PTCHD4: variants seen among roughly 807,000 people sequenced by gnomAD.
The protein encoded by PTCHD4 is patched domain-containing protein 4.
In PTCHD4, 33 loss-of-function variants were observed where a neutral mutation model predicts 58.1. The observed-to-expected ratio is 0.57, with a 90% CI of 0.43 to 0.76. The LOEUF is 0.76. Among genes scored for constraint, PTCHD4 ranks in the 30% least tolerant of loss-of-function variants. The probability of loss-of-function intolerance (pLI) is 0.00; values close to 1 mark genes in which losing one functional copy is unlikely to be tolerated. For missense variants in PTCHD4, 1,058 were observed against 1,027.1 expected (o/e 1.03, Z -0.41); for synonymous variants, 478 against 409.6 (o/e 1.17, Z -2.02).
intron 4 of PTCHD4, among the ~76,000 whole-genome samples, chr6:47,981,506 GA>G (rs1450978975): frequency 6.6e-6 from 1 of 151,892 alleles, no homozygotes; most frequent in Non-Finnish European, 1.5e-5. Context: ...TATTTTTATG[GA>G]ACATGCATTG....
In PTCHD4 at chr6:47,877,977, C is replaced by T. The variant is rs377275268; in HGVS notation, c.*326G>A. 9.9e-5 allele frequency: 19 copies of T among 192,876 alleles called. No individual in the cohort carries two copies. The highest frequency in any genetic ancestry group is 3.3e-4 in the African/African-American group (14 of 43,018). The allele number at this position is 192,876 out of a possible 1,614,324, so 11.9% of individuals were successfully genotyped here. Reference sequence around the variant, plus strand: ...ACCTTTCCTTGCTTCTCCATCACTCCTAAGCATTTTATTTTTAAAAGAAGC... The same window carrying T: ...ACCTTTCCTTGCTTCTCCATCACTCTTAAGCATTTTATTTTTAAAAGAAGC... On this transcript the variant is annotated 3_prime_UTR_variant, in exon 5 of 5. Coordinates refer to ENST00000339488, the MANE Select transcript of PTCHD4 (RefSeq NM_001384253.1).
At chr6:48,076,882 C>T (rs919224622) in intron 1 of PTCHD4, among the ~76,000 whole-genome samples, 1 of 152,202 alleles carries the variant, frequency 6.6e-6, no homozygotes, top group Non-Finnish European at 1.5e-5. Context: ...TAACACTCAG[C>T]AGTCTATGAG....
At chr6:47,914,252 G>A (rs1239751599) in intron 4 of PTCHD4, among the ~76,000 whole-genome samples, 1 of 152,084 alleles carries the variant, frequency 6.6e-6, no homozygotes, top group African/African-American at 2.4e-5. Flanking sequence ...AACTTCATGT[G>A]TCAACTTGAC....
intron 4 of PTCHD4, among the ~76,000 whole-genome samples, chr6:47,969,839 G>A (rs1239502137): frequency 6.6e-6 from 1 of 151,984 alleles, no homozygotes; most frequent in Non-Finnish European, 1.5e-5. Flanking sequence ...AATATTGACA[G>A]CAAATGAAAA....
intron 4 of PTCHD4, among the ~76,000 whole-genome samples, chr6:47,939,295 G>A (rs1303435103): frequency 1.3e-5 from 2 of 151,292 alleles, no homozygotes; most frequent in Non-Finnish European, 2.9e-5. Context: ...TAATTCAGTT[G>A]GTCTGGAGAG....
At chr6:48,056,225 A>G (rs959825912) in intron 3 of PTCHD4, among the ~76,000 whole-genome samples, 13 of 152,244 alleles carry the variant, frequency 8.5e-5, no homozygotes, top group African/African-American at 2.7e-4. Flanking sequence ...AGCTTTATAA[A>G]AGGCTACTTT....
intron 1 of PTCHD4, among the ~76,000 whole-genome samples, chr6:48,085,588 T>G (rs1315187875): frequency 1.3e-5 from 2 of 152,224 alleles, no homozygotes; most frequent in Non-Finnish European, 2.9e-5. Flanking sequence ...GAGAAACTAT[T>G]CTTGCCAGAA....
chr6:47,902,901 C>T (rs1355636430), intron 4 of PTCHD4, among the ~76,000 whole-genome samples: 1 of 152,182 alleles, frequency 6.6e-6, no homozygotes, highest in Non-Finnish European at 1.5e-5. Flanking sequence ...TTGGAGCTCT[C>T]TAAAAAGAGC....
intron 3 of PTCHD4, among the ~76,000 whole-genome samples, chr6:48,021,009 G>A (rs895820747): frequency 1.3e-5 from 2 of 151,944 alleles, no homozygotes; most frequent in African/African-American, 4.8e-5. Context: ...CTTGTGCCCA[G>A]GCTCAAGTTC....
intron 4 of PTCHD4, among the ~76,000 whole-genome samples, chr6:47,940,429 A>G (rs993246797): frequency 2.6e-5 from 4 of 152,098 alleles, no homozygotes; most frequent in Non-Finnish European, 1.5e-5. Context: ...ATTTAAAAAA[A>G]GAGAGAGAGA....
At chr6:47,998,851 A>C (rs1450592679) in intron 4 of PTCHD4, among the ~76,000 whole-genome samples, 1 of 152,222 alleles carries the variant, frequency 6.6e-6, no homozygotes, top group Non-Finnish European at 1.5e-5. Context: ...AGAACAGAGA[A>C]GGAAATAAAT....
intron 4 of PTCHD4, among the ~76,000 whole-genome samples, chr6:47,927,662 C>T (rs1476111817): frequency 6.6e-6 from 1 of 151,990 alleles, no homozygotes; most frequent in Non-Finnish European, 1.5e-5. Context: ...GTCATCTCTT[C>T]CAGGACATTT....
At chr6:47,998,857 T>C (rs568540029) in intron 4 of PTCHD4, among the ~76,000 whole-genome samples, 1 of 152,070 alleles carries the variant, frequency 6.6e-6, no homozygotes, top group African/African-American at 2.4e-5. Context: ...GAGAAGGAAA[T>C]AAATAGGCAA....
intron 4 of PTCHD4, among the ~76,000 whole-genome samples, chr6:47,891,311 T>A (rs1764375276): frequency 6.7e-6 from 1 of 149,208 alleles, no homozygotes; most frequent in Non-Finnish European, 1.5e-5. Context: ...CTGCCAGGAG[T>A]TGTTCTGGCA....
At chr6:47,981,490 T>C (rs1292746666) in intron 4 of PTCHD4, among the ~76,000 whole-genome samples, 1 of 152,094 alleles carries the variant, frequency 6.6e-6, no homozygotes, top group African/African-American at 2.4e-5. Context: ...GGCGTCATGG[T>C]GTTTGTATTT....
Position 48,068,508 on chromosome 6 carries a change from C to A in PTCHD4, c.139G>T (p.Ala47Ser), listed in dbSNP as rs762271819. Reference sequence around the variant, plus strand: ...AGGCCGAAGGTGATTGTCAGGACTGCGGGCACGGTGAGGAAAAAGACCGGG... The same window carrying A: ...AGGCCGAAGGTGATTGTCAGGACTGAGGGCACGGTGAGGAAAAAGACCGGG... ...RHPVFFLTVP[A>S]VLTITFGLSA... The change falls in exon 3 of 5, where the codon GCA becomes TCA. Residue 47 changes from alanine to serine, a missense_variant. Transcript: ENST00000339488. This position sits in a 1 kb window ranked among gnomAD's most constrained non-coding sequence, Gnocchi z 4.2. The A allele has an allele frequency of 4.3e-6, 7 of 1,612,882 alleles. No individual in the cohort carries two copies. In the South Asian group the frequency reaches 6.6e-5, roughly 15 times the overall value.
intron 4 of PTCHD4, among the ~76,000 whole-genome samples, chr6:47,933,247 G>T (rs982366866): frequency 6.6e-6 from 1 of 152,216 alleles, no homozygotes; most frequent in Non-Finnish European, 1.5e-5. Context: ...TTCCCCTACT[G>T]TGAGCTCCAT....
In PTCHD4 at chr6:47,890,368, T is replaced by C. The variant is rs540489754; in HGVS notation, c.899-10432A>G. 5.5e-4 allele frequency among the ~76,000 whole-genome samples: 84 copies of C among 152,174 alleles called. 2 individuals are homozygous for C. The South Asian group carries it at 0.017, about 30-fold the overall frequency. Reference sequence around the variant, plus strand: ...TAATTAACACGATTTGATATTGTAGTTAGTAGCAAATTCCCCCAGAACAGA... The same window carrying C: ...TAATTAACACGATTTGATATTGTAGCTAGTAGCAAATTCCCCCAGAACAGA... On this transcript the variant is annotated intron_variant, in intron 4 of 4. Coordinates refer to ENST00000339488, the MANE Select transcript of PTCHD4 (RefSeq NM_001384253.1).
intron 4 of PTCHD4, among the ~76,000 whole-genome samples, chr6:47,897,697 C>T (rs567133408): frequency 6.6e-6 from 1 of 152,226 alleles, no homozygotes; most frequent in East Asian, 1.9e-4. Flanking sequence ...CAACACTGTG[C>T]TTTTATTTAT....
Sources: allele counts gnomAD v4.1 joint callset (sites outside exome capture counted in the v4.1 genomes callset), GRCh38; gene constraint gnomAD v4.1.1; non-coding constraint Gnocchi (gnomAD v3.1); transcripts MANE v1.5; gene names NCBI Gene and HGNC (gene_info 2026-07-23, HGNC 2026-07-21).